The following CSNK1G1 variants were observed in gnomAD, a reference collection of about 807,000 sequenced individuals.
The protein encoded by CSNK1G1 is casein kinase 1 gamma 1.
CSNK1G1 carries 22 observed loss-of-function variants against 59.6 expected under a neutral mutation model. The observed-to-expected ratio is 0.37, with a 90% CI of 0.26 to 0.53. The LOEUF is 0.53. Ranked by LOEUF, CSNK1G1 falls within the 20% of genes least tolerant of loss-of-function variation. The pLI is 0.89. For missense variants in CSNK1G1, 384 were observed against 519.5 expected, an observed-to-expected ratio of 0.74 and a Z score of 2.54; for synonymous variants, 179 against 177.1, an observed-to-expected ratio of 1.01 and a Z score of -0.08.
At chr15:64,267,386 A>G (rs1893047617) in intron 2 of CSNK1G1, among the ~76,000 whole-genome samples, 1 of 149,662 alleles carries the variant, frequency 6.7e-6, no homozygotes, top group Admixed American at 6.6e-5. Flanking sequence ...ACCTAGAGGG[A>G]AAAAATATTT....
At position 64,200,549 on chromosome 15, in the gene CSNK1G1, T is replaced by C. The variant is rs1596082865; in HGVS notation, c.1107+2533A>G. 1.3e-5 allele frequency among the ~76,000 whole-genome samples: 2 copies of C among 152,214 alleles called. No individual in the cohort carries two copies. ...TTAGTAGAGACAGGGTTTCACCATG[T>C]TGGCCAGGCTGGTCTCGAACTCCTG... On this transcript the variant is annotated intron_variant, in intron 10 of 11. Transcript: ENST00000303052. The surrounding 1 kb of genome is among the most constrained non-coding windows in gnomAD (Gnocchi z 4.3).
intron 2 of CSNK1G1, among the ~76,000 whole-genome samples, chr15:64,265,053 T>C (rs945357038): frequency 1.3e-5 from 2 of 152,138 alleles, no homozygotes; most frequent in African/African-American, 4.8e-5. Context: ...GGCATCCAAA[T>C]AGGAAAGGAG....
Position 64,300,607 on chromosome 15 carries a change from G to A in CSNK1G1, c.-108C>T. ...TAAATTGTAGTCAGAGAAAGGTAAG[G>A]AGTTCTTTTAGCACCATATTTGTTT... is the stretch of plus-strand genomic sequence containing the variant. On this transcript the variant is annotated 5_prime_UTR_variant, in exon 2 of 12. Transcript: ENST00000303052. The A allele has an allele frequency of 6.9e-7, 1 of 1,441,696 alleles. No homozygotes were observed. The highest frequency in any genetic ancestry group is 9.1e-7 in the Non-Finnish European group (1 of 1,093,358). 89.3% of individuals were successfully genotyped at this position (1,441,696 alleles called of 1,614,324 possible).
At chr15:64,264,082 G>A (rs1892851352) in intron 2 of CSNK1G1, among the ~76,000 whole-genome samples, 1 of 152,010 alleles carries the variant, frequency 6.6e-6, no homozygotes, top group Non-Finnish European at 1.5e-5. Flanking sequence ...GAAAGTTCTT[G>A]TGAGAAAGTT....
Position 64,300,561 on chromosome 15 carries a change from C to A in CSNK1G1, c.-62G>T. On this transcript the variant is annotated 5_prime_UTR_variant, in exon 2 of 12. Transcript: ENST00000303052. ...TAGCTTCAGTATGTATACCTCTCTTCAATACAAAAGTATGTCCAAATAAAT... is the reference window on the plus strand; with the variant it reads ...TAGCTTCAGTATGTATACCTCTCTTAAATACAAAAGTATGTCCAAATAAAT... 1 of 1,510,700 alleles carries A rather than the reference C, an allele frequency of 6.6e-7. No individual in the cohort carries two copies. Among genetic ancestry groups the A allele is most frequent in the South Asian group, 1.4e-5 (1 of 72,752 alleles). 93.6% of individuals were successfully genotyped at this position (1,510,700 alleles called of 1,614,324 possible). A position where few individuals can be genotyped will look rare whatever the true frequency, so the allele number is the denominator to read the frequency against.
intron 1 of CSNK1G1, among the ~76,000 whole-genome samples, chr15:64,334,718 C>T (rs1416044295): frequency 1.3e-5 from 2 of 152,090 alleles, no homozygotes; most frequent in Non-Finnish European, 1.5e-5. Flanking sequence ...CAGGAGGTGG[C>T]GCTCGGGCAG....
intron 1 of CSNK1G1, among the ~76,000 whole-genome samples, chr15:64,332,514 G>A: frequency 9.6e-6 from 1 of 104,492 alleles, no homozygotes; most frequent in Middle Eastern, 4.9e-3. Flanking sequence ...TCACACTCTG[G>A]GGACTGTGAT....
At chr15:64,204,812 C>T in intron 8 of CSNK1G1, 53 bp downstream of exon 8, 1 of 1,292,694 alleles carries the variant, frequency 7.7e-7, no homozygotes, top group Non-Finnish European at 1.1e-6. Context: ...CAGTCATGGA[C>T]TCTACCTAGT....
chr15:64,232,935 C>T (rs1478259506), intron 4 of CSNK1G1, among the ~76,000 whole-genome samples: 1 of 152,144 alleles, frequency 6.6e-6, no homozygotes, highest in East Asian at 1.9e-4. Flanking sequence ...TCCAAGCAAG[C>T]TCCCACTGAC....
chr15:64,217,820 A>AC, intron 4 of CSNK1G1, among the ~76,000 whole-genome samples: 1 of 152,112 alleles, frequency 6.6e-6, no homozygotes, highest in East Asian at 1.9e-4. Context: ...CATCTCAAAA[A>AC]AAAAAAAAAA....
At chr15:64,185,435 T>TA (rs1372335780) in intron 10 of CSNK1G1, among the ~76,000 whole-genome samples, 44 of 152,302 alleles carry the variant, frequency 2.9e-4, no homozygotes, top group African/African-American at 9.6e-4. Flanking sequence ...AACATAGTAT[T>TA]AGGTAAATGG....
rs1566938740 is a variant in CSNK1G1, at chr15:64,300,303, A to G, written c.181+16T>C. The G allele has an allele frequency of 6.2e-7, 1 of 1,612,504 alleles. No homozygotes were observed. Among genetic ancestry groups the G allele is most frequent in the Non-Finnish European group, 8.5e-7 (1 of 1,178,794 alleles). On this transcript the variant is annotated intron_variant, in intron 2 of 11. Transcript: ENST00000303052. ...ATTGTTGTTAGTAGAAGTCACTGAC[A>G]TAACCAAGTGCTTACCTAATCTGAG...
At chr15:64,296,602 C>T (rs189174135) in intron 2 of CSNK1G1, among the ~76,000 whole-genome samples, 7 of 152,212 alleles carry the variant, frequency 4.6e-5, no homozygotes, top group Admixed American at 1.3e-4. Context: ...CAGTGGCTCA[C>T]GCCTGTAATC....
intron 1 of CSNK1G1, among the ~76,000 whole-genome samples, chr15:64,321,749 C>A (rs1049712401): frequency 2.0e-5 from 3 of 152,104 alleles, no homozygotes; most frequent in African/African-American, 7.2e-5. Flanking sequence ...CACCTAACAC[C>A]AGTATTAATA....
chr15:64,257,658 G>T (rs976350850), intron 3 of CSNK1G1, among the ~76,000 whole-genome samples: 3 of 152,084 alleles, frequency 2.0e-5, no homozygotes, highest in Non-Finnish European at 2.9e-5. Flanking sequence ...AAGTAGTGGG[G>T]ACTATAGGTG....
chr15:64,346,187 GAC>G (rs1897955718), intron 1 of CSNK1G1, among the ~76,000 whole-genome samples: 1 of 151,498 alleles, frequency 6.6e-6, no homozygotes, highest in Non-Finnish European at 1.5e-5. Flanking sequence ...TTCAAGACCA[GAC>G]TGGGCAATAT....
chr15:64,338,427 C>T (rs980775450), intron 1 of CSNK1G1, among the ~76,000 whole-genome samples: 4 of 152,160 alleles, frequency 2.6e-5, no homozygotes, highest in Non-Finnish European at 2.9e-5. Context: ...GAGCCCGGCG[C>T]GGTGGCTCAC....
chr15:64,312,531 T>C (rs984139104), intron 1 of CSNK1G1, among the ~76,000 whole-genome samples: 3 of 152,132 alleles, frequency 2.0e-5, no homozygotes, highest in Admixed American at 6.6e-5. Context: ...ATAAATGGTG[T>C]TGGGAAAACT....
intron 1 of CSNK1G1, among the ~76,000 whole-genome samples, chr15:64,319,941 T>TTTTTA (rs1896472115): frequency 2.2e-5 from 2 of 91,250 alleles, no homozygotes; most frequent in African/African-American, 6.8e-5. Context: ...TTTTTTTTTT[T>TTTTTA]GAGACAGGGT....
Sources: allele counts gnomAD v4.1 joint callset (sites outside exome capture counted in the v4.1 genomes callset), GRCh38; gene constraint gnomAD v4.1.1; non-coding constraint Gnocchi (gnomAD v3.1); transcripts MANE v1.5; gene names NCBI Gene and HGNC (gene_info 2026-07-23, HGNC 2026-07-21).